The following TNS1 variants were observed in gnomAD, a reference collection of about 807,000 sequenced individuals.
The protein encoded by TNS1 is tensin 1, also known as tensin-1.
A neutral mutation model predicts 168.6 loss-of-function variants in TNS1; 62 were observed. That is an observed-to-expected ratio of 0.37 (90% CI 0.30 to 0.45). TNS1 has a LOEUF of 0.45. TNS1 is among the 20% of genes least tolerant of loss of function. TNS1 has a pLI of 1.00. For synonymous variants in TNS1, 934 were observed against 933.2 expected (o/e 1.00, Z -0.02); for missense variants, 2,240 against 2,339.4 (o/e 0.96, Z 0.88).
intron 1 of TNS1, among the ~76,000 whole-genome samples, chr2:217,994,640 C>A (rs1958436167): frequency 6.6e-6 from 1 of 152,126 alleles, no homozygotes; most frequent in African/African-American, 2.4e-5. Flanking sequence ...CCCAGTGACC[C>A]CATGGGTGGC....
At chr2:218,031,283 ATGAGTGTG>A (rs1382539331) in intron 1 of TNS1, among the ~76,000 whole-genome samples, 8 of 73,652 alleles carry the variant, frequency 1.1e-4, no homozygotes, top group South Asian at 1.2e-3. Context: ...GTGAGCGTGT[ATGAGTGTG>A]TGAGTGTGTC....
At chr2:218,020,322 G>C (rs1010954106) in intron 1 of TNS1, among the ~76,000 whole-genome samples, 3 of 152,078 alleles carry the variant, frequency 2.0e-5, no homozygotes, top group African/African-American at 7.2e-5. Context: ...AGCAAGGAAA[G>C]GGCCAACTCC....
At chr2:217,899,613 C>A (rs181503832) in intron 7 of TNS1, among the ~76,000 whole-genome samples, 202 of 152,340 alleles carry the variant, frequency 1.3e-3, no homozygotes, top group Non-Finnish European at 2.0e-3. Context: ...GGAAGGGGAG[C>A]AAGAGGGGCC....
chr2:217,946,303 G>A (rs144243238), intron 3 of TNS1, among the ~76,000 whole-genome samples: 1 of 152,210 alleles, frequency 6.6e-6, no homozygotes, highest in Non-Finnish European at 1.5e-5. Flanking sequence ...ACATGCAGTG[G>A]GTCAGGTGCA....
intron 6 of TNS1, 46 bp downstream of exon 6, chr2:217,906,287 TGG>T: frequency 3.2e-6 from 1 of 317,336 alleles, no homozygotes; most frequent in Non-Finnish European, 5.9e-6. Flanking sequence ...CCATTCCCCC[TGG>T]CCACCAGGGC....
At chr2:217,846,036 A>G (rs1264074749) in intron 19 of TNS1, among the ~76,000 whole-genome samples, 1 of 152,202 alleles carries the variant, frequency 6.6e-6, no homozygotes, top group Non-Finnish European at 1.5e-5. Flanking sequence ...ATCTCTGCTG[A>G]CAAAGCCAGG....
chr2:217,907,293 C>A (rs1201582724), intron 4 of TNS1, 42 bp from the exon 5 acceptor site: 1 of 702,660 alleles, frequency 1.4e-6, no homozygotes, highest in East Asian at 2.7e-5. Context: ...TTAGGGCAGA[C>A]ATCCCAGGGA....
chr2:217,805,100 C>T (rs528783561), intron 32 of TNS1, among the ~76,000 whole-genome samples: 2 of 151,846 alleles, frequency 1.3e-5, no homozygotes, highest in South Asian at 4.2e-4. Context: ...CACACACACA[C>T]ACTTATTCTT....
chr2:217,883,952 C>G (rs1238880089), intron 16 of TNS1, among the ~76,000 whole-genome samples: 2 of 152,188 alleles, frequency 1.3e-5, no homozygotes, highest in African/African-American at 2.4e-5. Context: ...CCATGGGACA[C>G]CTATCATGCT....
chr2:217,893,003 C>T lies in TNS1; in HGVS notation c.727G>A (p.Gly243Ser). The T allele has an allele frequency of 1.2e-6, 2 of 1,614,168 alleles. No homozygotes were observed. The change falls in exon 11 of 33, where the codon GGC (glycine) becomes AGC (serine). Residue 243 changes from glycine to serine, a missense_variant. Gly to Ser is a moderately conservative substitution (Grantham distance 56). Around this residue, in one of 2 missense-constraint regions of TNS1, gnomAD observed 2,131 missense variants for 2,171.2 expected, o/e 0.98. Coordinates refer to ENST00000682258, the MANE Select transcript of TNS1 (RefSeq NM_001387777.1). ...VVVLHNKGNR[G>S]RIGVVIAAYM... ...GCCGCGATGACAACTCCTATCCTGCCTCGGTTTCCCTGAAAGAGCCCCAAA... is the reference window on the plus strand; with the variant it reads ...GCCGCGATGACAACTCCTATCCTGCTTCGGTTTCCCTGAAAGAGCCCCAAA...
At chr2:217,940,216 C>T (rs1956842426) in intron 3 of TNS1, among the ~76,000 whole-genome samples, 1 of 152,218 alleles carries the variant, frequency 6.6e-6, no homozygotes, top group South Asian at 2.1e-4. Context: ...CTAGGCCAGT[C>T]CTCCCAAACC....
At chr2:217,826,747 A>G (rs1323541285) in intron 22 of TNS1, among the ~76,000 whole-genome samples, 1 of 152,186 alleles carries the variant, frequency 6.6e-6, no homozygotes, top group Non-Finnish European at 1.5e-5. Flanking sequence ...AGGTGGGGAC[A>G]GGGAGGGTGC....
At chr2:217,910,007 TCTCTAGCCTCGGGGCAGCAC>T (rs1954177577) in intron 4 of TNS1, among the ~76,000 whole-genome samples, 1 of 152,094 alleles carries the variant, frequency 6.6e-6, no homozygotes, top group African/African-American at 2.4e-5. Flanking sequence ...TTGTTTATCG[TCTCTAGCCTCGGGGCAGCAC>T]CTCATATCCC....
At chr2:217,945,766 A>T (rs1957089223) in intron 3 of TNS1, among the ~76,000 whole-genome samples, 2 of 152,128 alleles carry the variant, frequency 1.3e-5, no homozygotes, top group African/African-American at 4.8e-5. Context: ...ACTCTACGGC[A>T]AAGGTGACCC....
chr2:217,935,634 G>A (rs529640377), intron 3 of TNS1, among the ~76,000 whole-genome samples: 3 of 152,258 alleles, frequency 2.0e-5, no homozygotes, highest in East Asian at 3.9e-4. Flanking sequence ...TCTATCTCTT[G>A]TGCTCTCCCC....
chr2:217,891,163 T>G, intron 11 of TNS1, 118 bp from the exon 12 acceptor site: 1 of 911,212 alleles, frequency 1.1e-6, no homozygotes, highest in Non-Finnish European at 1.7e-6. Context: ...ACCTTTGTCC[T>G]GGAGGGAAGA....
At chr2:217,943,100 G>A (rs1956997604) in intron 3 of TNS1, among the ~76,000 whole-genome samples, 1 of 152,182 alleles carries the variant, frequency 6.6e-6, no homozygotes, top group African/African-American at 2.4e-5. Flanking sequence ...AGGAGCAGGG[G>A]GAAGGCAGCT....
rs1954700240 is a variant in TNS1 at position 217,913,840 on chromosome 2, CCCTGCCCCCATT to C, written c.228+6343_228+6354del. On this transcript the variant is annotated intron_variant, in intron 4 of 32. Coordinates refer to ENST00000682258, the MANE Select transcript of TNS1 (RefSeq NM_001387777.1). ...GGCCCACCAGGCCTGTCACGCTCAT[CCCTGCCCCCATT>C]CCTGCACCCACACTGCTCCCACCAC... is the stretch of plus-strand genomic sequence containing the variant. 2.0e-5 allele frequency among the ~76,000 whole-genome samples: 3 copies of C among 152,260 alleles called. No homozygotes were observed. In the South Asian group the frequency reaches 6.2e-4, roughly 32 times the overall value.
intron 1 of TNS1, among the ~76,000 whole-genome samples, chr2:217,999,577 G>A (rs1958526367): frequency 6.6e-6 from 1 of 152,204 alleles, no homozygotes; most frequent in South Asian, 2.1e-4. Flanking sequence ...CAAAAGGAGA[G>A]TCTTATTTCA....
Sources: allele counts gnomAD v4.1 joint callset (sites outside exome capture counted in the v4.1 genomes callset), GRCh38; gene constraint gnomAD v4.1.1; regional missense constraint gnomAD v4.1.1; transcripts MANE v1.5; gene names NCBI Gene and HGNC (gene_info 2026-07-23, HGNC 2026-07-21).